PTGR3: variants seen among roughly 807,000 people sequenced by gnomAD.
PTGR3 encodes the protein prostaglandin reductase 3, also known as zinc binding alcohol dehydrogenase domain containing 2.
chr18:75,204,153 C>A, the PTGR3 span, among the ~76,000 whole-genome samples: 1 of 152,374 alleles, frequency 6.6e-6, no homozygotes, highest in Admixed American at 6.5e-5. Context: ...AGGGAGACCC[C>A]GCCTTGGGGG....
the PTGR3 span, chr18:75,209,000 T>C: frequency 8.2e-6 from 13 of 1,591,136 alleles, no homozygotes; most frequent in Non-Finnish European, 9.4e-6. Flanking sequence ...GTCCAGGAAG[T>C]GGCGGGCGTA....
chr18:75,202,437 A>G, the PTGR3 span: 14 of 1,124,470 alleles, frequency 1.2e-5, 1 homozygote, highest in South Asian at 2.2e-4. Flanking sequence ...GCGACCCTGG[A>G]GGGGTTGCTA....
the PTGR3 span, chr18:75,208,228 C>T: frequency 1.3e-6 from 1 of 794,110 alleles, no homozygotes; most frequent in African/African-American, 1.9e-5. Context: ...CCGGGACACG[C>T]GCCACGCGGC....
the PTGR3 span, chr18:75,205,358 A>G: frequency 2.0e-6 from 2 of 980,384 alleles, no homozygotes; most frequent in Non-Finnish European, 2.4e-6. Flanking sequence ...GCGCATTTGG[A>G]GACCCTCCTT....
chr18:75,208,942 G>C, the PTGR3 span: 16 of 1,591,108 alleles, frequency 1.0e-5, no homozygotes, highest in Admixed American at 2.3e-4. Context: ...GGCTCAGCCG[G>C]GTCACCACCA....
chr18:75,205,348 G>A, the PTGR3 span: 3 of 984,916 alleles, frequency 3.0e-6, no homozygotes, highest in Non-Finnish European at 3.6e-6. Context: ...GGAAGGATTC[G>A]CGCATTTGGA....
the PTGR3 span, among the ~76,000 whole-genome samples, chr18:75,208,019 G>A: frequency 6.9e-3 from 1,057 of 152,318 alleles, 18 homozygotes; most frequent in African/African-American, 0.025. Context: ...AAGCGGGCAT[G>A]GCTCCGATAA....
the PTGR3 span, chr18:75,201,891 C>G: frequency 1.2e-6 from 2 of 1,614,146 alleles, no homozygotes; most frequent in Non-Finnish European, 1.7e-6. Flanking sequence ...GTTGATAGGA[C>G]GATCACAGCC....
the PTGR3 span, chr18:75,202,462 A>G: frequency 1.2e-6 from 1 of 812,020 alleles, no homozygotes; most frequent in Non-Finnish European, 1.9e-6. Context: ...ATACAATCTG[A>G]TCGAATTTGA....
At chr18:75,204,712 G>A in the PTGR3 span, among the ~76,000 whole-genome samples, 2 of 152,132 alleles carry the variant, frequency 1.3e-5, no homozygotes, top group Non-Finnish European at 2.9e-5. Context: ...CCGGCGCCGC[G>A]GTGGAGTTGA....
the PTGR3 span, chr18:75,201,366 C>A: frequency 6.8e-7 from 1 of 1,466,846 alleles, no homozygotes. Flanking sequence ...AATTCTGAGA[C>A]ATAAAGTGCC....
the PTGR3 span, chr18:75,195,434 G>A: frequency 9.9e-5 from 15 of 152,166 alleles, no homozygotes; most frequent in African/African-American, 3.6e-4. Flanking sequence ...AGATGGTAAA[G>A]GGGACTGCAG....
At chr18:75,202,092 AG>A in the PTGR3 span, 11 of 1,614,110 alleles carry the variant, frequency 6.8e-6, no homozygotes, top group Non-Finnish European at 8.5e-6. Flanking sequence ...ACTTACCAGC[AG>A]GGTAAGATAC....
At chr18:75,202,762 G>A in the PTGR3 span, among the ~76,000 whole-genome samples, 1 of 151,786 alleles carries the variant, frequency 6.6e-6, no homozygotes, top group African/African-American at 2.4e-5. Context: ...AAATTAATTG[G>A]CCTCTTAACA....
the PTGR3 span, chr18:75,202,172 A>C: frequency 6.2e-7 from 1 of 1,614,158 alleles, no homozygotes; most frequent in Non-Finnish European, 8.5e-7. Context: ...CAAAAGAACC[A>C]GGTGCCATGT....
At chr18:75,202,949 T>C in the PTGR3 span, among the ~76,000 whole-genome samples, 1 of 152,328 alleles carries the variant, frequency 6.6e-6, no homozygotes, top group East Asian at 1.9e-4. Context: ...TTTGAAGCAC[T>C]GTTAGAGTGG....
the PTGR3 span, chr18:75,201,241 T>C: frequency 9.9e-3 from 5,755 of 582,702 alleles, 34 homozygotes; most frequent in Non-Finnish European, 0.013. Context: ...TTTTTTTTTT[T>C]CCCCCAAGGG....
At chr18:75,208,652 C>G in the PTGR3 span, among the ~76,000 whole-genome samples, 1 of 152,196 alleles carries the variant, frequency 6.6e-6, no homozygotes, top group Non-Finnish European at 1.5e-5. Context: ...ATATTCACAC[C>G]AGCAACAGTC....
the PTGR3 span, chr18:75,209,022 C>T: frequency 5.1e-6 from 8 of 1,578,738 alleles, no homozygotes; most frequent in Non-Finnish European, 6.9e-6. This position sits in a 1 kb window ranked among gnomAD's most constrained non-coding sequence, Gnocchi z 4.7. Context: ...GACATGTCCA[C>T]GATGGCCCGG....
Sources: gnomAD v4.1 joint callset for allele counts (sites outside exome capture counted in the v4.1 genomes callset) on GRCh38, gnomAD v4.1.1 for gene constraint, Gnocchi (gnomAD v3.1) non-coding constraint, MANE v1.5 for transcripts, NCBI Gene and HGNC (gene_info 2026-07-23, HGNC 2026-07-21) for gene names.